The following ZHX3 variants were observed in gnomAD, a reference collection of about 807,000 sequenced individuals.
The protein encoded by ZHX3 is zinc fingers and homeoboxes protein 3.
ZHX3 carries 20 observed loss-of-function variants against 64.5 expected under a neutral mutation model. The ratio of observed to expected loss-of-function variants is 0.31; its 90% CI spans 0.22 to 0.45. The LOEUF (loss-of-function observed/expected upper bound fraction) is 0.45, where lower values mean the gene tolerates loss of function less well. Among genes scored for constraint, ZHX3 ranks in the 20% least tolerant of loss-of-function variants. The pLI, the probability that ZHX3 is intolerant of heterozygous loss-of-function variation, is 1.00. For synonymous variants in ZHX3, 423 were observed against 461.6 expected, an observed-to-expected ratio of 0.92 and a Z score of 1.07; for missense variants, 1,041 against 1,195.8, an observed-to-expected ratio of 0.87 and a Z score of 1.91.
intron 1 of ZHX3, among the ~76,000 whole-genome samples, chr20:41,284,309 T>C (rs1317292657): frequency 1.3e-5 from 2 of 152,178 alleles, no homozygotes; most frequent in Admixed American, 1.3e-4. Context: ...CTCCAATTGC[T>C]TCAAGTCCCA....
chr20:41,299,193 T>A (rs2044688633), intron 1 of ZHX3, among the ~76,000 whole-genome samples: 1 of 152,242 alleles, frequency 6.6e-6, no homozygotes, highest in Non-Finnish European at 1.5e-5. Flanking sequence ...CTATTACATT[T>A]ACTTGGGCAG....
At position 41,202,960 on chromosome 20, in the gene ZHX3, G is replaced by A. The variant is rs1317197908; in HGVS notation, c.1957C>T (p.Arg653Ter). ...DRLRSETKMT[R>*]REIDSWFSER... ...GAAAACCAGCTATCAATTTCTCGTC[G>A]GGTCATTTTGGTTTCACTTCTCAGG... is the stretch of plus-strand genomic sequence containing the variant. Residue 653 changes from arginine (R) to a stop codon, truncating the protein, a stop_gained, in exon 3 of 4, where the codon CGA becomes TGA. Coordinates refer to ENST00000683867, the MANE Select transcript of ZHX3 (RefSeq NM_001384317.1). LOFTEE classifies it high-confidence loss of function. This position sits in a 1 kb window ranked among gnomAD's most constrained non-coding sequence, Gnocchi z 7.0. 6 of 1,613,910 alleles carry A rather than the reference G, an allele frequency of 3.7e-6. No homozygotes were observed. The highest frequency in any genetic ancestry group is 1.3e-5 in the African/African-American group (1 of 74,856).
At chr20:41,289,840 G>T (rs535320852) in intron 1 of ZHX3, among the ~76,000 whole-genome samples, 1 of 151,448 alleles carries the variant, frequency 6.6e-6, no homozygotes, top group East Asian at 2.0e-4. Flanking sequence ...ATAGTAGGTG[G>T]TCAATAAAAG....
intron 3 of ZHX3, among the ~76,000 whole-genome samples, chr20:41,194,069 G>C (rs527850242): frequency 1.3e-5 from 2 of 152,204 alleles, no homozygotes; most frequent in African/African-American, 4.8e-5. Flanking sequence ...TTCGAACTTG[G>C]ATCCTTTTAT....
Position 41,237,253 on chromosome 20 carries a change from C to T in ZHX3, c.-151+31737G>A, listed in dbSNP as rs563225861. Among the ~76,000 whole-genome samples, 240 of 152,258 alleles carry T rather than the reference C, an allele frequency of 1.6e-3. 1 individual carries two copies. Among genetic ancestry groups the T allele is most frequent in the African/African-American group, 5.2e-3 (215 of 41,544 alleles). On this transcript the variant is annotated intron_variant, in intron 2 of 3. Transcript: ENST00000683867. ...AGAAATGCCATTTGACCCAGCCATC[C>T]CATTACTGGGTATATACCCAAAGGA...
chr20:41,227,982 T>A (rs2146366787), intron 2 of ZHX3, among the ~76,000 whole-genome samples: 1 of 152,266 alleles, frequency 6.6e-6, no homozygotes, highest in East Asian at 1.9e-4. Context: ...TGCTCATCAA[T>A]CTTTGGTGCA....
chr20:41,224,704 C>T lies in ZHX3; in HGVS notation c.-150-19638G>A, dbSNP rs775434829. Among the ~76,000 whole-genome samples the T allele has an allele frequency of 1.3e-5, 2 of 152,216 alleles. No individual in the cohort carries two copies. Among genetic ancestry groups the T allele is most frequent in the African/African-American group, 2.4e-5 (1 of 41,456 alleles). On this transcript the variant is annotated intron_variant, in intron 2 of 3. Coordinates refer to ENST00000683867, the MANE Select transcript of ZHX3 (RefSeq NM_001384317.1). This position sits in a 1 kb window ranked among gnomAD's most constrained non-coding sequence, Gnocchi z 5.2. ...TTCATCACAAGGCCATTTGGATACACGTTTTCAGACACTCATTTATAATTC... is the reference window on the plus strand; with the variant it reads ...TTCATCACAAGGCCATTTGGATACATGTTTTCAGACACTCATTTATAATTC...
At chr20:41,287,170 C>A (rs1325825422) in intron 1 of ZHX3, among the ~76,000 whole-genome samples, 1 of 152,124 alleles carries the variant, frequency 6.6e-6, no homozygotes, top group Non-Finnish European at 1.5e-5. Flanking sequence ...AGGAATCAAT[C>A]ATTTATCCCA....
At chr20:41,301,025 G>C (rs2044782221) in intron 1 of ZHX3, among the ~76,000 whole-genome samples, 1 of 152,172 alleles carries the variant, frequency 6.6e-6, no homozygotes, top group Non-Finnish European at 1.5e-5. Flanking sequence ...AGACATTTCA[G>C]GGAAGTAAGT....
chr20:41,240,344 C>A (rs2041296238), intron 2 of ZHX3, among the ~76,000 whole-genome samples: 1 of 152,182 alleles, frequency 6.6e-6, no homozygotes. Context: ...CCCTTCAAAT[C>A]ATCGAACTTA....
At position 41,184,135 on chromosome 20, in the gene ZHX3, C is replaced by T. The variant is rs1035779025; in HGVS notation, c.*1056G>A. 2.0e-5 allele frequency: 3 copies of T among 152,194 alleles called. No individual in the cohort carries two copies. Among genetic ancestry groups the T allele is most frequent in the Admixed American group, 6.5e-5 (1 of 15,282 alleles). The allele number at this position is 152,194 out of a possible 1,614,324, so 9.4% of individuals were successfully genotyped here. A position where few individuals can be genotyped will look rare whatever the true frequency, so the allele number is the denominator to read the frequency against. The stretch of plus-strand genomic sequence containing the variant: ...ACCTCTGATAATTCCAAGAAGTCAA[C>T]AAATCCCTCCAGCCTTCACCCTTAC... On this transcript the variant is annotated 3_prime_UTR_variant, in exon 4 of 4. Transcript: ENST00000683867.
chr20:41,228,981 C>T lies in ZHX3; in HGVS notation c.-150-23915G>A, dbSNP rs1278319011. ...GTAGCATTAAGTATTAACACAGTCACATTGTTGTACAACCATCATCACCAT... is the reference window on the plus strand; with the variant it reads ...GTAGCATTAAGTATTAACACAGTCATATTGTTGTACAACCATCATCACCAT... On this transcript the variant is annotated intron_variant, in intron 2 of 3. Transcript: ENST00000683867. This position sits in a 1 kb window ranked among gnomAD's most constrained non-coding sequence, Gnocchi z 4.6. Among the ~76,000 whole-genome samples the T allele has an allele frequency of 1.3e-5, 2 of 152,148 alleles. No homozygotes were observed. The highest frequency in any genetic ancestry group is 4.8e-5 in the African/African-American group (2 of 41,424).
intron 2 of ZHX3, among the ~76,000 whole-genome samples, chr20:41,256,224 T>C (rs1345327192): frequency 6.6e-6 from 1 of 152,124 alleles, no homozygotes; most frequent in East Asian, 1.9e-4. Context: ...ACAATCTCCT[T>C]GTCTGTGAGC....
chr20:41,254,580 CT>C (rs1287108889), intron 2 of ZHX3: 1 of 152,270 alleles, frequency 6.6e-6, no homozygotes, highest in African/African-American at 2.4e-5. Context: ...AACTCTACCA[CT>C]TATTACCTTT....
At chr20:41,311,170 T>C (rs1239979047) in intron 1 of ZHX3, among the ~76,000 whole-genome samples, 1 of 152,210 alleles carries the variant, frequency 6.6e-6, no homozygotes, top group Admixed American at 6.5e-5. Context: ...AAGTTAGTTA[T>C]TGTCTGTCAT....
intron 2 of ZHX3, among the ~76,000 whole-genome samples, chr20:41,243,160 C>A (rs2041489541): frequency 6.6e-6 from 1 of 152,148 alleles, no homozygotes; most frequent in African/African-American, 2.4e-5. Flanking sequence ...AATGGGGAGT[C>A]AGAGGCATAT....
chr20:41,246,307 G>A (rs978254803), intron 2 of ZHX3, among the ~76,000 whole-genome samples: 1 of 152,086 alleles, frequency 6.6e-6, no homozygotes, highest in African/African-American at 2.4e-5. Context: ...GTCCTAAAAG[G>A]TTCTCTAATT....
At chr20:41,280,294 T>C (rs1407291381) in intron 1 of ZHX3, among the ~76,000 whole-genome samples, 2 of 152,322 alleles carry the variant, frequency 1.3e-5, no homozygotes, top group East Asian at 1.9e-4. Context: ...GCTGAGCTTT[T>C]TAGAAATACC....
At chr20:41,194,487 A>AT (rs1471773415) in intron 3 of ZHX3, among the ~76,000 whole-genome samples, 1 of 151,742 alleles carries the variant, frequency 6.6e-6, no homozygotes, top group African/African-American at 2.4e-5. Flanking sequence ...TTTGTTGGGG[A>AT]TTTTTGTATC....
Sources: allele counts gnomAD v4.1 joint callset (sites outside exome capture counted in the v4.1 genomes callset), GRCh38; gene constraint gnomAD v4.1.1; non-coding constraint Gnocchi (gnomAD v3.1); transcripts MANE v1.5; gene names NCBI Gene and HGNC (gene_info 2026-07-23, HGNC 2026-07-21).